COL4A2: variants seen among roughly 807,000 people sequenced by gnomAD.
COL4A2 encodes the protein collagen type IV alpha 2 chain.
A neutral mutation model predicts 200.2 loss-of-function variants in COL4A2; 99 were observed. That is an observed-to-expected ratio of 0.49 (90% CI 0.42 to 0.58). The LOEUF is 0.58. Ranked by LOEUF, COL4A2 falls within the 20% of genes least tolerant of loss-of-function variation. The pLI, the probability that COL4A2 is intolerant of heterozygous loss-of-function variation, is 0.00. For missense variants in COL4A2, 1,950 were observed against 2,314.1 expected (o/e 0.84, Z 3.23); for synonymous variants, 897 against 900.6 (o/e 1.00, Z 0.07).
intron 47 of COL4A2, among the ~76,000 whole-genome samples, chr13:110,509,245 T>TTATA (rs374846915): frequency 0.033 from 2,346 of 71,818 alleles, 55 homozygotes; most frequent in South Asian, 0.046. Context: ...ATTTCATAAA[T>TTATA]TATATATATA....
At chr13:110,395,714 G>A (rs774174646) in intron 4 of COL4A2, among the ~76,000 whole-genome samples, 25 of 152,216 alleles carry the variant, frequency 1.6e-4, no homozygotes, top group Non-Finnish European at 2.9e-4. Flanking sequence ...GGAGGCCGAG[G>A]AGGGCGGGTA....
intron 30 of COL4A2, among the ~76,000 whole-genome samples, chr13:110,479,998 C>A (rs1882840280): frequency 9.6e-6 from 1 of 104,400 alleles, no homozygotes; most frequent in East Asian, 3.0e-4. Context: ...CTGGCTGGCA[C>A]CCCGCCAGCA....
intron 4 of COL4A2, among the ~76,000 whole-genome samples, chr13:110,391,459 A>G (rs1018607790): frequency 1.3e-5 from 2 of 152,226 alleles, no homozygotes; most frequent in African/African-American, 4.8e-5. Context: ...ATGTTTTATC[A>G]TAGTCAGGAT....
intron 18 of COL4A2, among the ~76,000 whole-genome samples, chr13:110,448,697 A>G (rs1293890763): frequency 7.1e-6 from 1 of 140,514 alleles, no homozygotes; most frequent in East Asian, 2.0e-4. Flanking sequence ...GTGGCTTTCA[A>G]TTTTGTGTCT....
rs1200588666 is a variant in COL4A2, at chr13:110,431,032, C to T, written c.648+425C>T. ...TGGGCTCATTACAGCAGGTGAGATA[C>T]TGGCCACTGTTTAACACAATGGCCC... On this transcript the variant is annotated intron_variant, in intron 10 of 47. Coordinates refer to ENST00000360467, the MANE Select transcript of COL4A2 (RefSeq NM_001846.4). 3 of 388,506 alleles carry T rather than the reference C, an allele frequency of 7.7e-6. No individual in the cohort carries two copies. The East Asian group carries it at 2.1e-4, about 28-fold the overall frequency. The allele number at this position is 388,506 out of a possible 1,614,324, so 24.1% of individuals were successfully genotyped here. A position where few individuals can be genotyped will look rare whatever the true frequency, so the allele number is the denominator to read the frequency against.
intron 34 of COL4A2, among the ~76,000 whole-genome samples, chr13:110,486,271 T>C (rs931077511): frequency 6.6e-6 from 1 of 152,208 alleles, no homozygotes; most frequent in South Asian, 2.1e-4. Flanking sequence ...CGGATGTCTG[T>C]TGAGCACTTG....
At chr13:110,504,352 G>A (rs1883768579) in intron 45 of COL4A2, 88 bp downstream of exon 45, 1 of 1,169,104 alleles carries the variant, frequency 8.6e-7, no homozygotes, top group Non-Finnish European at 1.3e-6. Context: ...GGACACACGA[G>A]AGCCCAGAAA....
At position 110,482,015 on chromosome 13, in the gene COL4A2, G is replaced by T. The variant is rs1882950051; in HGVS notation, c.2759-501G>T. Among the ~76,000 whole-genome samples, 3 of 152,168 alleles carry T rather than the reference G, an allele frequency of 2.0e-5. No homozygotes were observed. The South Asian group carries it at 6.2e-4, about 31-fold the overall frequency. On this transcript the variant is annotated intron_variant, in intron 31 of 47. Transcript: ENST00000360467. Reference sequence around the variant, plus strand: ...ACATTGGTCGGTCCTTCCATTGCTGGAGACACATGGGTTGGTCTTTCCATT... The same window carrying T: ...ACATTGGTCGGTCCTTCCATTGCTGTAGACACATGGGTTGGTCTTTCCATT...
In COL4A2 at chr13:110,424,634, T is replaced by TAAAA. The variant is rs779952797; in HGVS notation, c.181-98_181-95dup. On this transcript the variant is annotated intron_variant, in intron 4 of 47. Transcript: ENST00000360467. ...ATGTTCCCTGTAGATTATAGCTCTT[T>TAAAA]AAAAACAAAAAAAAAAATGTAGTTT... 2.9e-4 allele frequency: 210 copies of TAAAA among 725,776 alleles called. 2 individuals are homozygous for TAAAA. In the African/African-American group the frequency reaches 3.6e-3, roughly 12 times the overall value. The allele number at this position is 725,776 out of a possible 1,614,324, so 45.0% of individuals were successfully genotyped here.
At chr13:110,511,548 C>A (rs1240148735) in intron 47 of COL4A2, among the ~76,000 whole-genome samples, 1 of 152,192 alleles carries the variant, frequency 6.6e-6, no homozygotes, top group Non-Finnish European at 1.5e-5. Flanking sequence ...ATTGTGTTAT[C>A]TCTTCTGCCA....
chr13:110,506,268 CT>C (rs1883867079), intron 45 of COL4A2, 146 bp from the exon 46 acceptor site: 339 of 849,100 alleles, frequency 4.0e-4, no homozygotes, highest in East Asian at 2.2e-3. Flanking sequence ...CTCTCTCTCT[CT>C]CTCTCTCTCT....
At chr13:110,315,350 C>G (rs1885103643) in intron 3 of COL4A2, among the ~76,000 whole-genome samples, 1 of 152,200 alleles carries the variant, frequency 6.6e-6, no homozygotes, top group South Asian at 2.1e-4. Context: ...GCTCTATAGA[C>G]TTGAAACATT....
intron 6 of COL4A2, among the ~76,000 whole-genome samples, chr13:110,425,867 G>A (rs1197748213): frequency 8.5e-5 from 13 of 152,174 alleles, no homozygotes; most frequent in East Asian, 1.9e-4. Flanking sequence ...GAACTCATGC[G>A]TTTCCATGAG....
intron 4 of COL4A2, among the ~76,000 whole-genome samples, chr13:110,413,314 G>T (rs72657911): frequency 1.3e-5 from 2 of 152,330 alleles, no homozygotes; most frequent in South Asian, 4.1e-4. Flanking sequence ...AAGAGATGCC[G>T]GGGACAGAGT....
In COL4A2 at chr13:110,458,893, G is replaced by T. The variant is rs755334935; in HGVS notation, c.1555G>T (p.Asp519Tyr). Reference sequence around the variant, plus strand: ...GCCGGGGAGGAAAGGGGACAGAGGAGACCCCGGCCAACACGGCCTCCCTGG... The same window carrying T: ...GCCGGGGAGGAAAGGGGACAGAGGATACCCCGGCCAACACGGCCTCCCTGG... The part of the protein sequence containing the change: ...GEPGRKGDRG[D>Y]PGQHGLPGFP... Residue 519 changes from aspartate (D) to tyrosine (Y), a missense_variant, in exon 22 of 48, where the codon GAC (aspartate) becomes TAC (tyrosine). Around this residue, in one of 2 missense-constraint regions of COL4A2, gnomAD observed 1,385 missense variants for 1,720.5 expected, o/e 0.80. Transcript: ENST00000360467. 1 of 1,600,434 alleles carries T rather than the reference G, an allele frequency of 6.2e-7. No homozygotes were observed. Among genetic ancestry groups the T allele is most frequent in the Non-Finnish European group, 8.5e-7 (1 of 1,173,380 alleles).
chr13:110,447,791 G>A (rs1417192777), intron 18 of COL4A2, among the ~76,000 whole-genome samples: 1 of 152,166 alleles, frequency 6.6e-6, no homozygotes, highest in Admixed American at 6.5e-5. Flanking sequence ...GTGAAGGGTA[G>A]GGTTTTTTAA....
chr13:110,444,836 C>T (rs1881261632), intron 16 of COL4A2, among the ~76,000 whole-genome samples: 1 of 152,144 alleles, frequency 6.6e-6, no homozygotes, highest in Non-Finnish European at 1.5e-5. Flanking sequence ...AATGAGAAAA[C>T]AAAACTTAGT....
At chr13:110,456,710 G>T in intron 20 of COL4A2, 1 of 470,032 alleles carries the variant, frequency 2.1e-6, no homozygotes. Context: ...TGGGACACCA[G>T]GCGTCTCTGT....
At chr13:110,467,405 C>T (rs1594090124) in intron 27 of COL4A2, among the ~76,000 whole-genome samples, 2 of 152,252 alleles carry the variant, frequency 1.3e-5, no homozygotes, top group Admixed American at 6.5e-5. Context: ...AAAGGGGTTG[C>T]ACTTCTATGT....
Sources: gnomAD v4.1 joint callset for allele counts (sites outside exome capture counted in the v4.1 genomes callset) on GRCh38, gnomAD v4.1.1 for gene constraint, gnomAD v4.1.1 regional missense constraint, MANE v1.5 for transcripts, NCBI Gene and HGNC (gene_info 2026-07-23, HGNC 2026-07-21) for gene names.